SLC9D1: variants seen among roughly 807,000 people sequenced by gnomAD.
The protein encoded by SLC9D1 is solute carrier family 9 member D1.
At chr13:113,534,474 G>GT in the SLC9D1 span, 1 of 527,136 alleles carries the variant, frequency 1.9e-6, no homozygotes, top group Non-Finnish European at 3.3e-6. Context: ...CTAAAATAGT[G>GT]TTTGTGAGTA....
At chr13:113,548,455 G>A in the SLC9D1 span, 3 of 1,602,220 alleles carry the variant, frequency 1.9e-6, no homozygotes, top group East Asian at 4.5e-5. Context: ...CTCGGGAGGT[G>A]AGTGGCTTCC....
At chr13:113,503,374 T>C in the SLC9D1 span, 1 of 632,630 alleles carries the variant, frequency 1.6e-6, no homozygotes, top group African/African-American at 1.8e-5. Context: ...TGTGTGTGTG[T>C]GTGTGTGTGT....
the SLC9D1 span, among the ~76,000 whole-genome samples, chr13:113,492,536 A>C: frequency 4.6e-5 from 7 of 152,246 alleles, no homozygotes; most frequent in African/African-American, 1.7e-4. Flanking sequence ...GTGTCTTCTC[A>C]ATAAAATTGA....
At chr13:113,536,933 G>A in the SLC9D1 span, among the ~76,000 whole-genome samples, 375 of 152,276 alleles carry the variant, frequency 2.5e-3, 1 homozygote, top group South Asian at 4.8e-3. Context: ...CTGCTGTGCC[G>A]TGAGCACGCC....
At chr13:113,548,767 A>AGAAACG in the SLC9D1 span, among the ~76,000 whole-genome samples, 1 of 152,260 alleles carries the variant, frequency 6.6e-6, no homozygotes, top group Non-Finnish European at 1.5e-5. Flanking sequence ...GTAGCACCCC[A>AGAAACG]GAAACGTGAA....
chr13:113,532,149 A>C, the SLC9D1 span, among the ~76,000 whole-genome samples: 2 of 152,238 alleles, frequency 1.3e-5, no homozygotes, highest in Non-Finnish European at 2.9e-5. Context: ...TGAGCTCAGC[A>C]GAGGACGTTC....
chr13:113,496,083 A>C, the SLC9D1 span: 1 of 1,241,940 alleles, frequency 8.1e-7, no homozygotes, highest in Non-Finnish European at 1.1e-6. Context: ...GTGAAGAGAG[A>C]GGGAGAGTGC....
chr13:113,548,472 GGAGCGCTT>G, the SLC9D1 span: 15 of 1,594,342 alleles, frequency 9.4e-6, no homozygotes, highest in Non-Finnish European at 1.3e-5. Context: ...TTCCCCCCGC[GGAGCGCTT>G]CTCGGGCGGC....
the SLC9D1 span, chr13:113,520,611 C>T: frequency 4.7e-5 from 75 of 1,606,490 alleles, no homozygotes; most frequent in Non-Finnish European, 5.3e-5. Context: ...CCTTTCCCCC[C>T]ACAGGCGACA....
the SLC9D1 span, chr13:113,547,431 C>T: frequency 7.1e-7 from 1 of 1,409,166 alleles, no homozygotes; most frequent in Non-Finnish European, 1.0e-6. Context: ...TCAGCATAGC[C>T]CTCCCTGTGG....
the SLC9D1 span, chr13:113,511,705 A>T: frequency 6.6e-6 from 1 of 152,358 alleles, no homozygotes; most frequent in Admixed American, 6.5e-5. Flanking sequence ...GCTGAGTGAA[A>T]TGAAAAAAGA....
the SLC9D1 span, among the ~76,000 whole-genome samples, chr13:113,513,099 C>T: frequency 0.19 from 28,184 of 152,050 alleles, 3,447 homozygotes; most frequent in African/African-American, 0.35. Context: ...TAGAAGGGAA[C>T]GTCTGAACAC....
At chr13:113,508,451 G>A in the SLC9D1 span, among the ~76,000 whole-genome samples, 7 of 152,250 alleles carry the variant, frequency 4.6e-5, no homozygotes, top group African/African-American at 1.7e-4. Flanking sequence ...ATTCGGAAGA[G>A]GAAGGGTGTG....
the SLC9D1 span, among the ~76,000 whole-genome samples, chr13:113,525,761 G>A: frequency 2.4e-4 from 33 of 139,434 alleles, no homozygotes; most frequent in East Asian, 3.4e-3. Flanking sequence ...AGCCATCGTC[G>A]TCGTAGGAGA....
chr13:113,530,689 C>G, the SLC9D1 span: 2 of 152,170 alleles, frequency 1.3e-5, no homozygotes, highest in African/African-American at 4.8e-5. Context: ...GGAAAGAACT[C>G]TTTCCCTCAA....
the SLC9D1 span, chr13:113,503,561 A>G: frequency 2.5e-6 from 4 of 1,613,892 alleles, no homozygotes; most frequent in Non-Finnish European, 3.4e-6. Context: ...TTGTTGGCTT[A>G]GAATTTTCTC....
the SLC9D1 span, among the ~76,000 whole-genome samples, chr13:113,499,068 G>A: frequency 6.6e-6 from 1 of 152,214 alleles, no homozygotes; most frequent in East Asian, 1.9e-4. Context: ...AGGGGTGGCG[G>A]TTTACTAGAA....
chr13:113,519,366 AG>A, the SLC9D1 span, among the ~76,000 whole-genome samples: 1 of 141,038 alleles, frequency 7.1e-6, no homozygotes, highest in African/African-American at 2.8e-5. Context: ...TTTTTTTGTA[AG>A]AAAAAGTACC....
At chr13:113,520,799 T>A in the SLC9D1 span, 1 of 1,145,436 alleles carries the variant, frequency 8.7e-7, no homozygotes. Flanking sequence ...AAATACTACT[T>A]AATACCTTTT....
Sources: gnomAD v4.1 joint callset for allele counts (sites outside exome capture counted in the v4.1 genomes callset) on GRCh38, gnomAD v4.1.1 for gene constraint, MANE v1.5 for transcripts, NCBI Gene and HGNC (gene_info 2026-07-23, HGNC 2026-07-21) for gene names.